Variants in MRPS15 observed in about 807,000 individuals in gnomAD.
MRPS15 encodes mitochondrial ribosomal protein S15.
A neutral mutation model predicts 30.7 loss-of-function variants in MRPS15; 25 were observed. The observed-to-expected ratio is 0.81, with a 90% confidence interval of 0.59 to 1.14. The LOEUF (loss-of-function observed/expected upper bound fraction) is 1.14. Ranked by LOEUF, MRPS15 falls within the 50% of genes most tolerant of loss-of-function variation. The pLI, the probability that MRPS15 is intolerant of heterozygous loss-of-function variation, is 0.00. For missense variants in MRPS15, 313 were observed against 321.7 expected (o/e 0.97, Z 0.21); for synonymous variants, 124 against 120.1 (o/e 1.03, Z -0.21).
rs779977940 is a variant in MRPS15, at chr1:36,457,950, A to G, written c.417T>C (p.Tyr139=). 1.9e-6 allele frequency: 3 copies of G among 1,614,130 alleles called. No individual in the cohort carries two copies. Among genetic ancestry groups the G allele is most frequent in the African/African-American group, 1.3e-5 (1 of 74,938 alleles). Residue 139 remains tyrosine (Y), a synonymous_variant, in exon 6 of 8, where the codon TAT becomes TAC. Transcript: ENST00000373116. ...IIALSVKIRS[Y]EEHLEKHRKD... is the part of the protein sequence containing the mutation. ...TTCGATGTTTCTCCAAGTGTTCTTC[A>G]TAACTGCGGATCTTGACAGACAAGG...
At chr1:36,462,783 G>A (rs1229260745) in intron 2 of MRPS15, among the ~76,000 whole-genome samples, 15 of 152,196 alleles carry the variant, frequency 9.9e-5, no homozygotes, top group Non-Finnish European at 2.2e-4. Context: ...AGTTGATTCT[G>A]ATAGGGAGGC....
chr1:36,463,207 T>C (rs991575492), intron 2 of MRPS15, among the ~76,000 whole-genome samples: 1 of 152,220 alleles, frequency 6.6e-6, no homozygotes, highest in African/African-American at 2.4e-5. Flanking sequence ...ACTCAAGTGA[T>C]CTGCCCACCT....
At chr1:36,457,253 G>T (rs1365975460) in intron 6 of MRPS15, among the ~76,000 whole-genome samples, 1 of 150,666 alleles carries the variant, frequency 6.6e-6, no homozygotes, top group Non-Finnish European at 1.5e-5. Context: ...TCCAGCCTGG[G>T]TGACAGAGCA....
intron 5 of MRPS15, chr1:36,459,174 AC>A (rs1650049361): frequency 6.6e-6 from 1 of 152,276 alleles, no homozygotes; most frequent in Non-Finnish European, 1.5e-5. Flanking sequence ...CAGGTGAATT[AC>A]TTGAGCTCAG....
In MRPS15 at chr1:36,464,249, C is replaced by T. The variant is rs759159732; in HGVS notation, c.27G>A (p.Leu9=). The change falls in exon 1 of 8, where the codon CTG becomes CTA. Residue 9 remains leucine, a synonymous_variant. Transcript: ENST00000373116. MLRVAWRT[L]SLIRTRAVTQ... ...TAACTGCCCGGGTCCGAATCAAACT[C>T]AGCGTCCTCCACGCGACCCTCAGCA... The T allele has an allele frequency of 1.9e-6, 3 of 1,614,020 alleles. No individual in the cohort carries two copies. The South Asian group carries it at 3.3e-5, about 18-fold the overall frequency.
chr1:36,458,223 A>G lies in MRPS15; in HGVS notation c.386-242T>C, dbSNP rs1485759247. On this transcript the variant is annotated intron_variant, in intron 5 of 7. Coordinates refer to ENST00000373116, the MANE Select transcript of MRPS15 (RefSeq NM_031280.4). This position sits in a 1 kb window ranked among gnomAD's most constrained non-coding sequence, Gnocchi z 4.5. The stretch of plus-strand genomic sequence containing the variant: ...ATTATAAAGATATCATCCAAAAATC[A>G]TAGCAAATAGCATTCTTTTTTTTGA... 3 of 458,400 alleles carry G rather than the reference A, an allele frequency of 6.5e-6. No individual in the cohort carries two copies. The highest frequency in any genetic ancestry group is 1.2e-5 in the Non-Finnish European group (3 of 256,180). 28.4% of individuals were successfully genotyped at this position (458,400 alleles called of 1,614,324 possible). A position where few individuals can be genotyped will look rare whatever the true frequency, so the allele number is the denominator to read the frequency against.
At chr1:36,462,264 A>G (rs1650113790) in intron 2 of MRPS15, 101 bp from the exon 3 acceptor site, 3 of 818,344 alleles carry the variant, frequency 3.7e-6, no homozygotes, top group African/African-American at 3.4e-5. Context: ...TCCAGAAGGG[A>G]CATTCAGGGT....
chr1:36,461,379 T>A, intron 3 of MRPS15, 67 bp from the exon 4 acceptor site: 1 of 1,464,368 alleles, frequency 6.8e-7, no homozygotes, highest in Non-Finnish European at 9.6e-7. Context: ...GCTGGTTTCA[T>A]TTTAGTTTGA....
intron 6 of MRPS15, among the ~76,000 whole-genome samples, chr1:36,457,596 G>C (rs578115718): frequency 6.6e-6 from 1 of 152,304 alleles, no homozygotes; most frequent in African/African-American, 2.4e-5. Context: ...GCTGAGACCT[G>C]TACTTCCCTA....
intron 2 of MRPS15, among the ~76,000 whole-genome samples, chr1:36,463,198 C>T (rs1272623507): frequency 6.6e-6 from 1 of 152,222 alleles, no homozygotes; most frequent in African/African-American, 2.4e-5. Flanking sequence ...AACTCCTGAA[C>T]TCAAGTGATC....
chr1:36,461,228 ACTGC>A, intron 4 of MRPS15, 32 bp downstream of exon 4: 1 of 1,611,244 alleles, frequency 6.2e-7, no homozygotes, highest in Non-Finnish European at 8.5e-7. Flanking sequence ...AGAGGAGAAG[ACTGC>A]GGGAGGCTGA....
chr1:36,457,407 C>T (rs933266333), intron 6 of MRPS15, among the ~76,000 whole-genome samples: 5 of 151,994 alleles, frequency 3.3e-5, no homozygotes, highest in Non-Finnish European at 5.9e-5. Flanking sequence ...GATTATTCCT[C>T]GTTAAGATGG....
At chr1:36,462,997 C>T (rs1031071355) in intron 2 of MRPS15, among the ~76,000 whole-genome samples, 2 of 151,902 alleles carry the variant, frequency 1.3e-5, no homozygotes, top group African/African-American at 4.8e-5. Flanking sequence ...TGGAGTCTCG[C>T]TCTGTCACCC....
At position 36,455,873 on chromosome 1, in the gene MRPS15, G is replaced by A; in HGVS notation, c.689C>T (p.Ala230Val). The change falls in exon 8 of 8, where the codon GCA (alanine) becomes GTA (valine). Residue 230 changes from alanine (A) to valine (V), a missense_variant. By Grantham distance (64) the Ala-to-Val change is moderately conservative. Transcript: ENST00000373116. ...CTTTGCTTGTTTTTGGGCTGCTGCT[G>A]CAGCCTTTAAGGCTCTTCTTCGCTT... ...LKKRRRALKA[A>V]AAAQKQAKRR... The A allele has an allele frequency of 6.2e-7, 1 of 1,614,152 alleles. No homozygotes were observed. Among genetic ancestry groups the A allele is most frequent in the Non-Finnish European group, 8.5e-7 (1 of 1,180,030 alleles).
At chr1:36,462,023 T>C in intron 3 of MRPS15, 65 bp downstream of exon 3, 1 of 1,403,944 alleles carries the variant, frequency 7.1e-7, no homozygotes, top group Non-Finnish European at 1.0e-6. Context: ...GCCACTGTCT[T>C]TCCCCACTCC....
chr1:36,456,476 G>C, intron 6 of MRPS15, 98 bp from the exon 7 acceptor site: 1 of 1,143,820 alleles, frequency 8.7e-7, no homozygotes, highest in Non-Finnish European at 1.2e-6. Flanking sequence ...AAATTTCTCA[G>C]TAATCTTATG....
chr1:36,463,109 C>G (rs1650130424), intron 2 of MRPS15, among the ~76,000 whole-genome samples: 1 of 151,870 alleles, frequency 6.6e-6, no homozygotes, highest in African/African-American at 2.4e-5. Flanking sequence ...ATTACAGGCG[C>G]GCGCTACCAC....
chr1:36,460,644 G>A, intron 5 of MRPS15, 48 bp downstream of exon 5: 1 of 1,415,456 alleles, frequency 7.1e-7, no homozygotes, highest in Non-Finnish European at 1.0e-6. Context: ...TCAGGTCCCA[G>A]CTAGCAGGCT....
intron 5 of MRPS15, among the ~76,000 whole-genome samples, chr1:36,460,228 T>G (rs952286932): frequency 6.6e-6 from 1 of 152,112 alleles, no homozygotes; most frequent in African/African-American, 2.4e-5. Flanking sequence ...AGGATGGTCT[T>G]GATCTCCTGA....
Sources: gnomAD v4.1 joint callset for allele counts (sites outside exome capture counted in the v4.1 genomes callset) on GRCh38, gnomAD v4.1.1 for gene constraint, Gnocchi (gnomAD v3.1) non-coding constraint, MANE v1.5 for transcripts, NCBI Gene and HGNC (gene_info 2026-07-23, HGNC 2026-07-21) for gene names.